SUCLG2: variants seen among roughly 807,000 people sequenced by gnomAD.
SUCLG2 encodes succinate-CoA ligase GDP-forming subunit beta, also known as succinate--CoA ligase [GDP-forming] subunit beta, mitochondrial.
SUCLG2 carries 42 observed loss-of-function variants against 47.9 expected under a neutral mutation model. The observed-to-expected ratio is 0.88, with a 90% CI of 0.69 to 1.14. The LOEUF (loss-of-function observed/expected upper bound fraction) is 1.14. Among genes scored for constraint, SUCLG2 ranks in the 50% most tolerant of loss-of-function variants. SUCLG2 has a pLI of 0.00. For synonymous variants in SUCLG2, 195 were observed against 197.3 expected, an observed-to-expected ratio of 0.99 and a Z score of 0.10; for missense variants, 571 against 525.9, an observed-to-expected ratio of 1.09 and a Z score of -0.84.
intron 1 of SUCLG2, among the ~76,000 whole-genome samples, chr3:67,628,822 T>C (rs1314555971): frequency 1.3e-5 from 2 of 152,156 alleles, no homozygotes; most frequent in African/African-American, 4.8e-5. Context: ...AATTACCCAG[T>C]CTCGGATATC....
intron 9 of SUCLG2, among the ~76,000 whole-genome samples, chr3:67,439,877 C>A (rs1007715808): frequency 6.6e-6 from 1 of 152,150 alleles, no homozygotes; most frequent in Non-Finnish European, 1.5e-5. Context: ...TTAGAAAAAT[C>A]TACTTTAAAT....
At chr3:67,415,343 T>G (rs775308493) in intron 9 of SUCLG2, among the ~76,000 whole-genome samples, 2 of 152,210 alleles carry the variant, frequency 1.3e-5, no homozygotes, top group Non-Finnish European at 2.9e-5. Context: ...AATTTACACA[T>G]GACAGCAATC....
intron 10 of SUCLG2, among the ~76,000 whole-genome samples, chr3:67,367,624 T>G (rs1441570870): frequency 1.3e-5 from 2 of 152,204 alleles, no homozygotes; most frequent in Non-Finnish European, 2.9e-5. Flanking sequence ...GACCCTGTGT[T>G]GTAGAATGTT....
rs934366380 is a variant in SUCLG2 at position 67,485,601 on chromosome 3, T to A, written c.1062+10197A>T. Among the ~76,000 whole-genome samples, 12 of 152,318 alleles carry A rather than the reference T, an allele frequency of 7.9e-5. No homozygotes were observed. In the East Asian group the frequency reaches 1.4e-3, roughly 17 times the overall value. ...ATGACACATAATGCTGGAAGAAAAT[T>A]TTTTAAAATGATAATAGTGGTTGTA... On this transcript the variant is annotated intron_variant, in intron 9 of 10. Transcript: ENST00000307227.
At chr3:67,431,492 T>G (rs1260121900) in intron 9 of SUCLG2, among the ~76,000 whole-genome samples, 2 of 152,118 alleles carry the variant, frequency 1.3e-5, no homozygotes, top group Non-Finnish European at 2.9e-5. Flanking sequence ...CCAACCCAAA[T>G]GTCCATCAAT....
At chr3:67,472,767 A>G (rs1704635047) in intron 9 of SUCLG2, among the ~76,000 whole-genome samples, 1 of 152,216 alleles carries the variant, frequency 6.6e-6, no homozygotes, top group African/African-American at 2.4e-5. Flanking sequence ...GTAGGGTTAA[A>G]AAAACAAACA....
chr3:67,472,264 T>G (rs1414258231), intron 9 of SUCLG2, among the ~76,000 whole-genome samples: 1 of 152,240 alleles, frequency 6.6e-6, no homozygotes, highest in Non-Finnish European at 1.5e-5. Flanking sequence ...CATATTTTAC[T>G]ACTGACTTGT....
intron 2 of SUCLG2, among the ~76,000 whole-genome samples, chr3:67,529,414 TA>T (rs905349811): frequency 1.3e-5 from 2 of 152,210 alleles, no homozygotes; most frequent in African/African-American, 4.8e-5. Context: ...TTTAATCATC[TA>T]ATACTTGACC....
intron 10 of SUCLG2, among the ~76,000 whole-genome samples, chr3:67,392,884 A>C (rs1702423839): frequency 6.6e-6 from 1 of 151,884 alleles, no homozygotes. Flanking sequence ...TCATGATCAT[A>C]GCTTGCTGCA....
In SUCLG2 at chr3:67,563,972, A is replaced by AAAAAAAG. The variant is rs1205687160; in HGVS notation, c.227-34793_227-34787dup. Among the ~76,000 whole-genome samples the AAAAAAAG allele has an allele frequency of 2.1e-3, 300 of 145,342 alleles. 2 individuals are homozygous for AAAAAAAG. Among genetic ancestry groups the AAAAAAAG allele is most frequent in the South Asian group, 4.1e-3 (18 of 4,366 alleles). On this transcript the variant is annotated intron_variant, in intron 2 of 10. Transcript: ENST00000307227. Reference sequence around the variant, plus strand: ...GAGACTCTGTCTCAAAAAAAAAAAAAAAAAAAGAAAAAAGAAAAAGAAAAG... The same window carrying AAAAAAAG: ...GAGACTCTGTCTCAAAAAAAAAAAAAAAAAAAGAAAAAAGAAAAAAGAAAAAGAAAAG...
intron 10 of SUCLG2, among the ~76,000 whole-genome samples, chr3:67,399,934 ATT>A (rs757881462): frequency 3.3e-4 from 50 of 152,248 alleles, no homozygotes; most frequent in Non-Finnish European, 5.6e-4. Context: ...TAATCCCAAC[ATT>A]TTGGGAGGCT....
chr3:67,480,566 C>G (rs1310206209), intron 9 of SUCLG2, among the ~76,000 whole-genome samples: 1 of 152,114 alleles, frequency 6.6e-6, no homozygotes, highest in Non-Finnish European at 1.5e-5. Context: ...GAGCTTTGCT[C>G]CTGGAGCTTA....
intron 9 of SUCLG2, among the ~76,000 whole-genome samples, chr3:67,472,008 T>A (rs1364604347): frequency 1.3e-5 from 2 of 152,194 alleles, no homozygotes; most frequent in Non-Finnish European, 2.9e-5. Flanking sequence ...TTAAGACAAT[T>A]ATTTTCATAA....
chr3:67,372,677 T>C (rs1701970590), downstream of SUCLG2, among the ~76,000 whole-genome samples: 1 of 152,164 alleles, frequency 6.6e-6, no homozygotes, highest in Admixed American at 6.5e-5. Flanking sequence ...TTTGTAGACT[T>C]TTTGTAGCTC....
intron 2 of SUCLG2, among the ~76,000 whole-genome samples, chr3:67,581,171 T>C (rs1707869313): frequency 6.6e-6 from 1 of 152,228 alleles, no homozygotes; most frequent in South Asian, 2.1e-4. Flanking sequence ...TTACTGCGCA[T>C]GTCACCAACG....
intron 9 of SUCLG2, among the ~76,000 whole-genome samples, chr3:67,418,993 A>G (rs1034152931): frequency 6.6e-6 from 1 of 152,194 alleles, no homozygotes; most frequent in Non-Finnish European, 1.5e-5. Flanking sequence ...ATTTAAAAAA[A>G]AAAAAGGTCT....
chr3:67,523,355 T>C (rs1408158346), intron 4 of SUCLG2, among the ~76,000 whole-genome samples: 2 of 152,302 alleles, frequency 1.3e-5, no homozygotes, highest in East Asian at 1.9e-4. Flanking sequence ...TTCATAAGTA[T>C]ATAAAAACTG....
intron 1 of SUCLG2, among the ~76,000 whole-genome samples, chr3:67,620,153 T>C (rs1203700433): frequency 6.6e-6 from 1 of 152,232 alleles, no homozygotes; most frequent in Non-Finnish European, 1.5e-5. Context: ...ATCCAAGATC[T>C]AGCAGTAATC....
chr3:67,540,689 G>C (rs1706679488), intron 2 of SUCLG2, among the ~76,000 whole-genome samples: 1 of 152,204 alleles, frequency 6.6e-6, no homozygotes, highest in African/African-American at 2.4e-5. Flanking sequence ...CACACTGCTG[G>C]AGCTGTGCTA....
Sources: allele counts gnomAD v4.1 joint callset (sites outside exome capture counted in the v4.1 genomes callset), GRCh38; gene constraint gnomAD v4.1.1; transcripts MANE v1.5; gene names NCBI Gene and HGNC (gene_info 2026-07-23, HGNC 2026-07-21).